SVOPL: variants seen among roughly 807,000 people sequenced by gnomAD.
The protein encoded by SVOPL is putative transporter SVOPL.
Under a neutral mutation model 61.0 loss-of-function variants are expected in SVOPL, and 60 were observed. The observed-to-expected ratio is 0.98, with a 90% CI of 0.80 to 1.22. The LOEUF is 1.22. Among genes scored for constraint, SVOPL ranks in the 50% most tolerant of loss-of-function variants. The pLI, the probability that SVOPL is intolerant of heterozygous loss-of-function variation, is 0.00. For missense variants in SVOPL, 662 were observed against 643.9 expected (o/e 1.03, Z -0.30); for synonymous variants, 279 against 250.0 (o/e 1.12, Z -1.09).
intron 5 of SVOPL, chr7:138,660,740 T>A: frequency 1.0e-6 from 1 of 985,408 alleles, no homozygotes; most frequent in Non-Finnish European, 1.2e-6. Context: ...TCAAGGTTCA[T>A]GTTTCATACT....
intron 3 of SVOPL, 69 bp from the exon 4 acceptor site, chr7:138,672,186 G>T (rs1802438329): frequency 1.4e-6 from 2 of 1,418,128 alleles, no homozygotes; most frequent in Admixed American, 3.9e-5. Flanking sequence ...ATATCTGCCT[G>T]CCCATCATCC....
chr7:138,604,677 C>CCA (rs1798674815), intron 14 of SVOPL, among the ~76,000 whole-genome samples: 1 of 58,814 alleles, frequency 1.7e-5, no homozygotes, highest in Non-Finnish European at 2.9e-5. Context: ...AACTTTATCT[C>CCA]AAAAAAAAAA....
At chr7:138,627,889 G>A (rs1053283148) in intron 11 of SVOPL, among the ~76,000 whole-genome samples, 2 of 152,022 alleles carry the variant, frequency 1.3e-5, no homozygotes, top group Non-Finnish European at 2.9e-5. Context: ...ACAAGCCATT[G>A]TAAGCCACAT....
intron 6 of SVOPL, among the ~76,000 whole-genome samples, chr7:138,657,135 T>TTTGC (rs1458836227): frequency 4.2e-5 from 1 of 23,674 alleles, no homozygotes; most frequent in East Asian, 1.3e-3. Context: ...TTCTTATTTG[T>TTTGC]TTATTTATTT....
chr7:138,603,650 C>T (rs566673998), intron 14 of SVOPL, among the ~76,000 whole-genome samples: 14 of 152,100 alleles, frequency 9.2e-5, no homozygotes, highest in East Asian at 5.8e-4. Context: ...TCAGCCTGGG[C>T]GACAGAGTGA....
intron 6 of SVOPL, 55 bp downstream of exon 6, chr7:138,659,808 CA>C (rs1801920428): frequency 6.6e-7 from 1 of 1,506,298 alleles, no homozygotes; most frequent in South Asian, 1.2e-5. Flanking sequence ...GTGTGTGCAT[CA>C]GGGCCTGCAG....
intron 9 of SVOPL, among the ~76,000 whole-genome samples, chr7:138,637,823 G>T (rs1172430704): frequency 6.7e-6 from 1 of 150,168 alleles, no homozygotes; most frequent in Admixed American, 6.6e-5. Flanking sequence ...ATGGTGGCGG[G>T]CACCTGTAAT....
At chr7:138,664,267 C>T in intron 4 of SVOPL, 2 of 984,640 alleles carry the variant, frequency 2.0e-6, no homozygotes, top group Non-Finnish European at 1.2e-6. Flanking sequence ...AACCCTCCAG[C>T]GTCCTTGAGC....
intron 1 of SVOPL, among the ~76,000 whole-genome samples, chr7:138,693,529 A>G (rs1398590752): frequency 1.7e-5 from 2 of 117,086 alleles, no homozygotes; most frequent in African/African-American, 3.3e-5. Flanking sequence ...AAAAGAAAGA[A>G]AAAGAAAGAA....
At chr7:138,645,384 C>T (rs867765239) in intron 8 of SVOPL, among the ~76,000 whole-genome samples, 2 of 152,160 alleles carry the variant, frequency 1.3e-5, no homozygotes, top group African/African-American at 4.8e-5. Context: ...GACCACCTCC[C>T]GTCTCTCACG....
At chr7:138,674,504 G>C (rs1339079452) in intron 3 of SVOPL, among the ~76,000 whole-genome samples, 2 of 151,858 alleles carry the variant, frequency 1.3e-5, no homozygotes, top group South Asian at 2.1e-4. Flanking sequence ...GAGACAGGAG[G>C]GGGTGGCCTG....
chr7:138,602,441 CTA>C (rs59400217), intron 14 of SVOPL, among the ~76,000 whole-genome samples: 17,019 of 138,430 alleles, frequency 0.12, 1,161 homozygotes, highest in Admixed American at 0.22. Context: ...AAGGCAGTTG[CTA>C]TATATATATA....
chr7:138,671,662 T>C (rs1802420930), intron 4 of SVOPL, among the ~76,000 whole-genome samples: 1 of 152,178 alleles, frequency 6.6e-6, no homozygotes, highest in Non-Finnish European at 1.5e-5. Context: ...AGGCTATTCT[T>C]AATGGTCTTT....
chr7:138,652,583 A>G (rs1161725226), intron 7 of SVOPL, among the ~76,000 whole-genome samples: 1 of 151,596 alleles, frequency 6.6e-6, no homozygotes, highest in Non-Finnish European at 1.5e-5. Flanking sequence ...CTGTCGTACC[A>G]AACAGGCAAG....
intron 9 of SVOPL, among the ~76,000 whole-genome samples, chr7:138,639,958 G>C (rs1252979385): frequency 6.6e-6 from 1 of 151,356 alleles, no homozygotes; most frequent in African/African-American, 2.4e-5. Context: ...GTCCTGTTTT[G>C]ATGCCCAGGC....
chr7:138,616,012 A>G (rs1799284229), intron 14 of SVOPL, among the ~76,000 whole-genome samples: 1 of 151,978 alleles, frequency 6.6e-6, no homozygotes. Flanking sequence ...AATAAAAGAG[A>G]CCAGAAAAAA....
chr7:138,618,427 A>C (rs1458286451), intron 14 of SVOPL, among the ~76,000 whole-genome samples: 1 of 152,072 alleles, frequency 6.6e-6, no homozygotes, highest in African/African-American at 2.4e-5. Flanking sequence ...TTGGGAGGCG[A>C]GGCGGGCCGA....
intron 1 of SVOPL, among the ~76,000 whole-genome samples, chr7:138,700,780 G>T (rs79721006): frequency 6.6e-6 from 1 of 151,920 alleles, no homozygotes; most frequent in Non-Finnish European, 1.5e-5. Context: ...AGAATGCTTC[G>T]CGTCCCTCAC....
chr7:138,656,443 C>G lies in SVOPL; in HGVS notation c.534+5G>C. The G allele has an allele frequency of 5.0e-6, 8 of 1,613,858 alleles. No individual in the cohort carries two copies. Among genetic ancestry groups the G allele is most frequent in the Non-Finnish European group, 5.9e-6 (7 of 1,179,894 alleles). On this transcript the variant is annotated splice_donor_5th_base_variant and intron_variant, in intron 7 of 15. Coordinates refer to ENST00000674285, the MANE Select transcript of SVOPL (RefSeq NM_001139456.2). ...AAGGCAGGTAGAACTCCTACGTTGC[C>G]TTACCTGAGACAAGGGTAACATATA...
Sources: allele counts gnomAD v4.1 joint callset (sites outside exome capture counted in the v4.1 genomes callset), GRCh38; gene constraint gnomAD v4.1.1; transcripts MANE v1.5; gene names NCBI Gene and HGNC (gene_info 2026-07-23, HGNC 2026-07-21).